VGLL3: variants seen among roughly 807,000 people sequenced by gnomAD.
The protein encoded by VGLL3 is vestigial like family member 3.
In VGLL3, 18 loss-of-function variants were observed where a neutral mutation model predicts 29.2. The observed-to-expected ratio is 0.62, with a 90% confidence interval of 0.43 to 0.91. The LOEUF (loss-of-function observed/expected upper bound fraction) is 0.91. Ranked by LOEUF, VGLL3 falls within the 40% of genes least tolerant of loss-of-function variation. The pLI is 0.00. For synonymous variants in VGLL3, 180 were observed against 151.8 expected (o/e 1.19, Z -1.36); for missense variants, 440 against 413.2 (o/e 1.06, Z -0.56).
intron 2 of VGLL3, among the ~76,000 whole-genome samples, chr3:86,975,447 ATTACAGAAC>A (rs1705187423): frequency 1.3e-5 from 2 of 152,220 alleles, no homozygotes; most frequent in Admixed American, 6.5e-5. Context: ...TACCTTTGAA[ATTACAGAAC>A]TTTACAGAAG....
rs1704336827 is a variant in VGLL3, at chr3:86,939,044, C to A, written c.*7980G>T. The A allele has an allele frequency of 6.6e-6, 1 of 152,186 alleles. No homozygotes were observed. Among genetic ancestry groups the A allele is most frequent in the Non-Finnish European group, 1.5e-5 (1 of 68,036 alleles). 9.4% of individuals were successfully genotyped at this position (152,186 alleles called of 1,614,324 possible). A position where few individuals can be genotyped will look rare whatever the true frequency, so the allele number is the denominator to read the frequency against. ...CATCTTACATAAGTAACACATAACCCTTTGGATTCTGAAGCACTATAATAA... is the reference window on the plus strand; with the variant it reads ...CATCTTACATAAGTAACACATAACCATTTGGATTCTGAAGCACTATAATAA... On this transcript the variant is annotated 3_prime_UTR_variant, in exon 4 of 4. Coordinates refer to ENST00000398399, the MANE Select transcript of VGLL3 (RefSeq NM_016206.4).
chr3:86,967,444 G>A (rs1204345169), intron 3 of VGLL3, among the ~76,000 whole-genome samples: 2 of 152,164 alleles, frequency 1.3e-5, no homozygotes, highest in African/African-American at 4.8e-5. Context: ...AAGCTGAAAT[G>A]TGTTAGATGG....
rs367913610 is a variant in VGLL3 at position 86,968,812 on chromosome 3, G to A, written c.715C>T (p.Arg239Cys). The A allele has an allele frequency of 2.9e-5, 46 of 1,614,024 alleles. No homozygotes were observed. The Middle Eastern group carries it at 4.9e-4, about 17-fold the overall frequency. ...TGATGGTGATGATGGTGGCGGTGGC[G>A]GTGGTGCATGTGGGCATGAGGGTGG... is the stretch of plus-strand genomic sequence containing the variant. ...HHHPHAHMHH[R>C]HRHHHHHHHP... The change falls in exon 3 of 4, where the codon CGC becomes TGC. Residue 239 changes from arginine to cysteine, a missense_variant. By Grantham distance (180) the Arg-to-Cys change is radical. Coordinates refer to ENST00000398399, the MANE Select transcript of VGLL3 (RefSeq NM_016206.4).
Position 86,942,996 on chromosome 3 carries a change from C to CGTGTGT in VGLL3, c.*4022_*4027dup, listed in dbSNP as rs747928769. 8.2e-6 allele frequency: 1 copy of CGTGTGT among 122,224 alleles called. No individual in the cohort carries two copies. Among genetic ancestry groups the CGTGTGT allele is most frequent in the Non-Finnish European group, 1.8e-5 (1 of 54,686 alleles). 7.6% of individuals were successfully genotyped at this position (122,224 alleles called of 1,614,324 possible). A position where few individuals can be genotyped will look rare whatever the true frequency, so the allele number is the denominator to read the frequency against. On this transcript the variant is annotated 3_prime_UTR_variant, in exon 4 of 4. Transcript: ENST00000398399. ...ATCTAATATGAGCTACATGATTGAT[C>CGTGTGT]GTGTGTGTGTGTGTCTGTGTGTGTG...
intron 3 of VGLL3, chr3:86,962,034 T>C: frequency 2.0e-6 from 2 of 985,166 alleles, no homozygotes; most frequent in Non-Finnish European, 2.4e-6. Context: ...TTTTCTTTTT[T>C]CAATTAAGCC....
intron 1 of VGLL3, among the ~76,000 whole-genome samples, chr3:86,979,313 AG>A (rs1705275959): frequency 6.6e-6 from 1 of 152,190 alleles, no homozygotes; most frequent in African/African-American, 2.4e-5. Context: ...ATCTTATAAA[AG>A]GATTTGGCAG....
Position 86,944,115 on chromosome 3 carries a change from C to G in VGLL3, c.*2909G>C, listed in dbSNP as rs556838025. ...ATATTATGCTAAATTACAACCCATCCTCTTTTAGGACTTCTAACAGCAATA... is the reference window on the plus strand; with the variant it reads ...ATATTATGCTAAATTACAACCCATCGTCTTTTAGGACTTCTAACAGCAATA... On this transcript the variant is annotated 3_prime_UTR_variant, in exon 4 of 4. Transcript: ENST00000398399. 6.6e-6 allele frequency: 1 copy of G among 152,164 alleles called. No individual in the cohort carries two copies. Among genetic ancestry groups the G allele is most frequent in the Non-Finnish European group, 1.5e-5 (1 of 68,030 alleles). 9.4% of individuals were successfully genotyped at this position (152,164 alleles called of 1,614,324 possible). A position where few individuals can be genotyped will look rare whatever the true frequency, so the allele number is the denominator to read the frequency against.
At chr3:86,976,918 C>G (rs1260451290) in intron 2 of VGLL3, among the ~76,000 whole-genome samples, 1 of 152,170 alleles carries the variant, frequency 6.6e-6, no homozygotes, top group Non-Finnish European at 1.5e-5. Flanking sequence ...TTAAAGCCAT[C>G]TAACTCACTA....
intron 3 of VGLL3, among the ~76,000 whole-genome samples, chr3:86,949,838 A>AAAAAAG (rs1553704635): frequency 5.3e-5 from 8 of 151,386 alleles, no homozygotes; most frequent in Non-Finnish European, 1.0e-4. Flanking sequence ...AAAAAAAAAA[A>AAAAAAG]AAAAGAAAAG....
intron 3 of VGLL3, among the ~76,000 whole-genome samples, chr3:86,958,600 A>C (rs1164163302): frequency 6.6e-6 from 1 of 152,208 alleles, no homozygotes; most frequent in Non-Finnish European, 1.5e-5. Context: ...TGATAGCTAC[A>C]TGGATCTCAG....
At chr3:86,977,327 C>A (rs1453622056) in intron 2 of VGLL3, among the ~76,000 whole-genome samples, 1 of 152,062 alleles carries the variant, frequency 6.6e-6, no homozygotes, top group Admixed American at 6.5e-5. Flanking sequence ...TCAGGCCCAG[C>A]AATTCCATGT....
rs1166647319 is a variant in VGLL3, at chr3:86,945,257, T to C, written c.*1767A>G. 6.6e-6 allele frequency: 1 copy of C among 152,092 alleles called. No homozygotes were observed. Among genetic ancestry groups the C allele is most frequent in the African/African-American group, 2.4e-5 (1 of 41,422 alleles). The allele number at this position is 152,092 out of a possible 1,614,324, so 9.4% of individuals were successfully genotyped here. A position where few individuals can be genotyped will look rare whatever the true frequency, so the allele number is the denominator to read the frequency against. On this transcript the variant is annotated 3_prime_UTR_variant, in exon 4 of 4. Coordinates refer to ENST00000398399, the MANE Select transcript of VGLL3 (RefSeq NM_016206.4). The stretch of plus-strand genomic sequence containing the variant: ...GCTCAAAAGACGGATAGGATATAAA[T>C]GAATACATAAATTACAGCCAAGGAA...
At chr3:86,980,990 T>C (rs1052504863) in intron 1 of VGLL3, among the ~76,000 whole-genome samples, 1 of 152,198 alleles carries the variant, frequency 6.6e-6, no homozygotes, top group Non-Finnish European at 1.5e-5. Flanking sequence ...ATAAATGCTT[T>C]ATTTGTTTAA....
chr3:86,962,077 G>A, intron 3 of VGLL3: 1 of 984,972 alleles, frequency 1.0e-6, no homozygotes, highest in Non-Finnish European at 1.2e-6. Flanking sequence ...TTTTCCTATG[G>A]AACCCATGAA....
In VGLL3 at chr3:86,945,446, A is replaced by G. The variant is rs1339251232; in HGVS notation, c.*1578T>C. Reference sequence around the variant, plus strand: ...AGAAAAATGGGAGAAATTTGAAAAAACCTCTTTATAAAGCTAAAAAACTTC... The same window carrying G: ...AGAAAAATGGGAGAAATTTGAAAAAGCCTCTTTATAAAGCTAAAAAACTTC... On this transcript the variant is annotated 3_prime_UTR_variant, in exon 4 of 4. Coordinates refer to ENST00000398399, the MANE Select transcript of VGLL3 (RefSeq NM_016206.4). The G allele has an allele frequency of 6.6e-6, 1 of 151,982 alleles. No homozygotes were observed. Among genetic ancestry groups the G allele is most frequent in the Non-Finnish European group, 1.5e-5 (1 of 67,974 alleles). The allele number at this position is 151,982 out of a possible 1,614,324, so 9.4% of individuals were successfully genotyped here.
Position 86,955,689 on chromosome 3 carries a change from C to T in VGLL3, c.938-8622G>A, listed in dbSNP as rs1704707101. Among the ~76,000 whole-genome samples, 3 of 152,144 alleles carry T rather than the reference C, an allele frequency of 2.0e-5. No individual in the cohort carries two copies. In the South Asian group the frequency reaches 6.2e-4, roughly 32 times the overall value. The stretch of plus-strand genomic sequence containing the variant: ...TACAGGTGTGAACCACCGTGCCTGG[C>T]CTCATCTCACTTTTATGTGACATGA... On this transcript the variant is annotated intron_variant, in intron 3 of 3. Transcript: ENST00000398399.
At chr3:86,969,213 A>T in intron 2 of VGLL3, 90 bp from the exon 3 acceptor site, 1 of 1,413,412 alleles carries the variant, frequency 7.1e-7, no homozygotes, top group Non-Finnish European at 9.5e-7. Flanking sequence ...ATTGTCCAAT[A>T]ATATTTTACA....
chr3:86,990,934 G>A lies in VGLL3; in HGVS notation c.-191C>T. 6 of 1,090,036 alleles carry A rather than the reference G, an allele frequency of 5.5e-6. No individual in the cohort carries two copies. Among genetic ancestry groups the A allele is most frequent in the Non-Finnish European group, 6.7e-6 (6 of 896,148 alleles). The allele number at this position is 1,090,036 out of a possible 1,614,324, so 67.5% of individuals were successfully genotyped here. On this transcript the variant is annotated 5_prime_UTR_variant, in exon 1 of 4. Transcript: ENST00000398399. ...GGTCGGGAGGGACTGGCAATCAGCG[G>A]GGGCCCATGCGCGGGCACCTTCATC...
At chr3:86,981,915 T>C (rs1338807688) in intron 1 of VGLL3, among the ~76,000 whole-genome samples, 1 of 152,102 alleles carries the variant, frequency 6.6e-6, no homozygotes, top group Non-Finnish European at 1.5e-5. Flanking sequence ...AATAAGAATC[T>C]CAAAGTATCC....
Sources: allele counts gnomAD v4.1 joint callset (sites outside exome capture counted in the v4.1 genomes callset), GRCh38; gene constraint gnomAD v4.1.1; transcripts MANE v1.5; gene names NCBI Gene and HGNC (gene_info 2026-07-23, HGNC 2026-07-21).